The following RSRP1 variants were observed in gnomAD, a reference collection of about 807,000 sequenced individuals.
RSRP1 encodes the protein arginine/serine-rich protein 1.
RSRP1 carries 37 observed loss-of-function variants against 33.0 expected under a neutral mutation model. That is an observed-to-expected ratio of 1.12 (90% CI 0.86 to 1.48). RSRP1 has a LOEUF of 1.48. Among genes scored for constraint, RSRP1 ranks in the 40% most tolerant of loss-of-function variants. RSRP1 has a pLI of 0.00. For missense variants in RSRP1, 402 were observed against 385.3 expected, an observed-to-expected ratio of 1.04 and a Z score of -0.36; for synonymous variants, 167 against 158.7, an observed-to-expected ratio of 1.05 and a Z score of -0.40.
At chr1:25,244,099 G>A (rs1639140134) in intron 3 of RSRP1, 1 of 1,236,252 alleles carries the variant, frequency 8.1e-7, no homozygotes, top group African/African-American at 1.6e-5. Flanking sequence ...GTCTTGCTCT[G>A]TCACCCAGGC....
rs1426050259 is a variant in RSRP1, at chr1:25,302,346, G to A, written c.-67+35632C>T. On this transcript the variant is annotated intron_variant, in intron 1 of 1. Coordinates refer to the RSRP1 transcript ENST00000561867. ...GGAAGGGGCTCCAGCTGGTGGTGTCGGAGGGAAGTCTGGACAGACCAGTGG... is the reference window on the plus strand; with the variant it reads ...GGAAGGGGCTCCAGCTGGTGGTGTCAGAGGGAAGTCTGGACAGACCAGTGG... 8.5e-5 allele frequency among the ~76,000 whole-genome samples: 11 copies of A among 128,986 alleles called. 2 individuals are homozygous for A. The highest frequency in any genetic ancestry group is 1.6e-4 in the Non-Finnish European group (9 of 54,918). The allele number at this position is 128,986 out of a possible 152,430, so 84.6% of individuals were successfully genotyped here. A position where few individuals can be genotyped will look rare whatever the true frequency, so the allele number is the denominator to read the frequency against.
rs368085572 is a variant in RSRP1, at chr1:25,295,451, T to C, written c.-67+42527A>G. Among the ~76,000 whole-genome samples the C allele has an allele frequency of 8.8e-4, 91 of 103,590 alleles. 7 individuals are homozygous for C. In the South Asian group the frequency reaches 0.026, roughly 29 times the overall value. The allele number at this position is 103,590 out of a possible 152,430, so 68.0% of individuals were successfully genotyped here. On this transcript the variant is annotated intron_variant, in intron 1 of 1. Coordinates refer to the RSRP1 transcript ENST00000561867. ...CACCATTGTTCTCAGGCTGCGTTGATTGGAGCTGCTGAAGGGAGGCAATTT... is the reference window on the plus strand; with the variant it reads ...CACCATTGTTCTCAGGCTGCGTTGACTGGAGCTGCTGAAGGGAGGCAATTT...
chr1:25,313,360 C>G (rs1183470871), intron 1 of RSRP1, among the ~76,000 whole-genome samples: 1 of 132,444 alleles, frequency 7.6e-6, no homozygotes, highest in African/African-American at 2.6e-5. Flanking sequence ...CTGTGGTATT[C>G]TGTTATAGCA....
At chr1:25,293,691 G>A (rs1204359415) in intron 1 of RSRP1, among the ~76,000 whole-genome samples, 1 of 131,398 alleles carries the variant, frequency 7.6e-6, no homozygotes, top group East Asian at 2.0e-4. Flanking sequence ...CCATCAGTAG[G>A]TGGTATCTAC....
Position 25,278,667 on chromosome 1 carries a change from T to C in RSRP1, c.-66-31638A>G, listed in dbSNP as rs142530666. On this transcript the variant is annotated intron_variant, in intron 1 of 1. Transcript: ENST00000561867. Reference sequence around the variant, plus strand: ...CAAACTAGGAGACTATCCTGGGTCCTGTGCTGTGGATACCACTCAGTCCCC... The same window carrying C: ...CAAACTAGGAGACTATCCTGGGTCCCGTGCTGTGGATACCACTCAGTCCCC... 1.4e-4 allele frequency among the ~76,000 whole-genome samples: 19 copies of C among 131,976 alleles called. 3 individuals are homozygous for C. Among genetic ancestry groups the C allele is most frequent in the African/African-American group, 4.9e-4 (19 of 38,732 alleles). The allele number at this position is 131,976 out of a possible 152,430, so 86.6% of individuals were successfully genotyped here.
intron 1 of RSRP1, among the ~76,000 whole-genome samples, chr1:25,315,401 G>C (rs1644385088): frequency 7.7e-6 from 1 of 130,146 alleles, no homozygotes; most frequent in Non-Finnish European, 1.8e-5. Flanking sequence ...ATGGCTGCCT[G>C]AATGGTTGGG....
chr1:25,284,537 C>T lies in RSRP1; in HGVS notation c.-66-37508G>A, dbSNP rs748798967. ...ATACCACCCTAAATCTCGTCTGCTT[C>T]CCCCTCGTCCTTCTCGCCATCTCCC... is the stretch of plus-strand genomic sequence containing the variant. On this transcript the variant is annotated intron_variant, in intron 1 of 1. Transcript: ENST00000561867. 3 of 1,379,546 alleles carry T rather than the reference C, an allele frequency of 2.2e-6. No individual in the cohort carries two copies. The Admixed American group carries it at 5.3e-5, about 24-fold the overall frequency. 85.5% of individuals were successfully genotyped at this position (1,379,546 alleles called of 1,614,324 possible).
At chr1:25,247,224 A>C in intron 1 of RSRP1, 85 bp downstream of exon 1, 17 of 409,858 alleles carry the variant, frequency 4.1e-5, no homozygotes, top group East Asian at 7.3e-5. Context: ...CGTTCCCCAA[A>C]CGCGGGGCCC....
intron 3 of RSRP1, chr1:25,244,257 A>T: frequency 1.6e-6 from 2 of 1,289,196 alleles, no homozygotes; most frequent in Non-Finnish European, 2.0e-6. Flanking sequence ...TGAAAGGGAC[A>T]TCTTTTTCAC....
At chr1:25,291,610 T>C (rs1230446556) in intron 1 of RSRP1, among the ~76,000 whole-genome samples, 1 of 132,482 alleles carries the variant, frequency 7.5e-6, no homozygotes, top group East Asian at 1.9e-4. Flanking sequence ...TCCTGTAGGA[T>C]TGTGCTATTC....
Position 25,302,697 on chromosome 1 carries a change from C to T in RSRP1, c.-67+35281G>A, listed in dbSNP as rs1466418929. On this transcript the variant is annotated intron_variant, in intron 1 of 1. Transcript: ENST00000561867. ...CAGTCACACAGGGTGGCACAGGCAC[C>T]AAGTAGCCAATAATAATAATAAAAA... 3.8e-4 allele frequency among the ~76,000 whole-genome samples: 49 copies of T among 130,222 alleles called. 12 individuals are homozygous for T. The highest frequency in any genetic ancestry group is 1.2e-3 in the African/African-American group (46 of 37,702). The allele number at this position is 130,222 out of a possible 152,430, so 85.4% of individuals were successfully genotyped here. A position where few individuals can be genotyped will look rare whatever the true frequency, so the allele number is the denominator to read the frequency against.
intron 1 of RSRP1, among the ~76,000 whole-genome samples, chr1:25,314,153 C>G (rs1164386366): frequency 7.5e-6 from 1 of 132,906 alleles, no homozygotes; most frequent in Non-Finnish European, 1.8e-5. Flanking sequence ...GCTTTAGTGG[C>G]TACTGCTAAA....
At chr1:25,304,922 A>C (rs1451446296) in intron 1 of RSRP1, 2 of 131,974 alleles carry the variant, frequency 1.5e-5, no homozygotes, top group African/African-American at 5.2e-5. Flanking sequence ...TGACTTCATC[A>C]CTGGCAGGAC....
At chr1:25,263,127 T>A (rs1640209034) in intron 1 of RSRP1, among the ~76,000 whole-genome samples, 1 of 152,040 alleles carries the variant, frequency 6.6e-6, no homozygotes, top group Non-Finnish European at 1.5e-5. Flanking sequence ...CATGTGGGTA[T>A]GGGGAATACA....
rs184907320 is a variant in RSRP1, at chr1:25,322,192, A to G, written c.-67+15786T>C. Among the ~76,000 whole-genome samples, 872 of 131,792 alleles carry G rather than the reference A, an allele frequency of 6.6e-3. 127 individuals carry two copies. Among genetic ancestry groups the G allele is most frequent in the African/African-American group, 0.021 (829 of 38,748 alleles). The allele number at this position is 131,792 out of a possible 152,430, so 86.5% of individuals were successfully genotyped here. On this transcript the variant is annotated intron_variant, in intron 1 of 1. Transcript: ENST00000561867. ...TTTCCCTGATACCTCAAATTCATTC[A>G]GAGTCAGGGATGAGACAGCTTTCAC...
chr1:25,281,687 G>A (rs1333683009), intron 1 of RSRP1, among the ~76,000 whole-genome samples: 1 of 131,114 alleles, frequency 7.6e-6, no homozygotes, highest in Non-Finnish European at 1.8e-5. Flanking sequence ...GCAGGAGATA[G>A]AAACATTCCC....
rs199516277 is a variant in RSRP1 at position 25,242,684 on chromosome 1, G to T, written c.778C>A (p.Gln260Lys). The T allele has an allele frequency of 5.6e-6, 9 of 1,607,748 alleles. No homozygotes were observed. Among genetic ancestry groups the T allele is most frequent in the Non-Finnish European group, 7.6e-6 (9 of 1,179,024 alleles). ...SSNNSVAKPIQKSAKAATEEA... is the reference protein window; with the variant it reads ...SSNNSVAKPIKKSAKAATEEA... ...TCTGTGGCAGCTTTAGCTGATTTTT[G>T]TATTGGCTTTGCTACAGAATTCTGT... is the stretch of plus-strand genomic sequence containing the variant. Residue 260 changes from glutamine to lysine, a missense_variant, in exon 5 of 5, where the codon CAA becomes AAA. By Grantham distance (53) the Gln-to-Lys change is moderately conservative (BLOSUM62 1). Transcript: ENST00000243189.
intron 1 of RSRP1, among the ~76,000 whole-genome samples, chr1:25,313,663 G>C (rs762756374): frequency 7.6e-6 from 1 of 132,194 alleles, no homozygotes; most frequent in Non-Finnish European, 1.8e-5. Context: ...ATCATCCAGG[G>C]ACCAGGCAGC....
Position 25,245,301 on chromosome 1 carries a change from T to G in RSRP1, c.521A>C (p.Asp174Ala). 6.3e-7 allele frequency: 1 copy of G among 1,596,576 alleles called. No individual in the cohort carries two copies. The highest frequency in any genetic ancestry group is 8.5e-7 in the Non-Finnish European group (1 of 1,173,644). Residue 174 changes from aspartate to alanine, a missense_variant and splice_region_variant, in exon 3 of 5, where the codon GAT (aspartate) becomes GCT (alanine). By Grantham distance (126) the Asp-to-Ala change is moderately radical (BLOSUM62 -2). Transcript: ENST00000243189. ...SRTPFRLSEK[D>A]RMELLEIAKT... is the part of the protein sequence containing the mutation. ...TGCTATTTCTAACAGCTCCATTCGA[T>G]CTAAAAAAAAAAGAGAGAGATTTTA...
Sources: allele counts gnomAD v4.1 joint callset (sites outside exome capture counted in the v4.1 genomes callset), GRCh38; gene constraint gnomAD v4.1.1; transcripts MANE v1.5; gene names NCBI Gene and HGNC (gene_info 2026-07-23, HGNC 2026-07-21).